EPB42: variants seen among roughly 807,000 people sequenced by gnomAD.
EPB42 encodes the protein erythrocyte membrane protein band 4.2, also known as protein 4.2.
In EPB42, 49 loss-of-function variants were observed where a neutral mutation model predicts 76.9. The ratio of observed to expected loss-of-function variants is 0.64; its 90% CI spans 0.51 to 0.81. The LOEUF is 0.81. EPB42 is among the 30% of genes least tolerant of loss of function. The pLI, the probability that EPB42 is intolerant of heterozygous loss-of-function variation, is 0.00. For synonymous variants in EPB42, 310 were observed against 338.4 expected (o/e 0.92, Z 0.92); for missense variants, 731 against 867.6 (o/e 0.84, Z 1.98).
chr15:43,197,265 C>T lies in EPB42; in HGVS notation c.*37G>A. 1 of 1,613,784 alleles carries T rather than the reference C, an allele frequency of 6.2e-7. No homozygotes were observed. Among genetic ancestry groups the T allele is most frequent in the Non-Finnish European group, 8.5e-7 (1 of 1,179,790 alleles). On this transcript the variant is annotated 3_prime_UTR_variant, in exon 13 of 13. Coordinates refer to ENST00000441366, the MANE Select transcript of EPB42 (RefSeq NM_001114134.2). ...CACATGTTTGGTTTAGATTGTAGAA[C>T]AAGGGTTGGCAGGAGAGTGGTGATA...
intron 1 of EPB42, among the ~76,000 whole-genome samples, chr15:43,218,293 C>T (rs1435242377): frequency 6.6e-6 from 1 of 152,136 alleles, no homozygotes; most frequent in East Asian, 1.9e-4. Context: ...GTATCCGAAC[C>T]CACGTAATGA....
chr15:43,206,664 C>A lies in EPB42; in HGVS notation c.1319-35G>T. On this transcript the variant is annotated intron_variant, in intron 9 of 12. Transcript: ENST00000441366. The surrounding 1 kb of genome is among the most constrained non-coding windows in gnomAD (Gnocchi z 4.7). ...GGAAGAAACAAAGCTGACCTTTTACCCGGGTGGTATAAATGCTTCTAATAA... is the reference window on the plus strand; with the variant it reads ...GGAAGAAACAAAGCTGACCTTTTACACGGGTGGTATAAATGCTTCTAATAA... 1 of 1,612,786 alleles carries A rather than the reference C, an allele frequency of 6.2e-7. No homozygotes were observed.
chr15:43,203,962 C>T (rs1204250210), intron 10 of EPB42, among the ~76,000 whole-genome samples: 1 of 152,206 alleles, frequency 6.6e-6, no homozygotes, highest in Non-Finnish European at 1.5e-5. Context: ...TTCTAGTTGT[C>T]TCATATCCCC....
chr15:43,209,321 G>C lies in EPB42; in HGVS notation c.785C>G (p.Pro262Arg). The change falls in exon 6 of 13, where the codon CCT becomes CGT. Residue 262 changes from proline (P) to arginine (R), a missense_variant. Transcript: ENST00000441366. ...CACCCAGGCCTGGCCATCATACACA[G>C]GTCGGCCTCGGCCGGTGAGCCACTG... Reference protein sequence around the residue: ...LRQWLTGRGRPVYDGQAWVLA... With the variant: ...LRQWLTGRGRRVYDGQAWVLA... 6.2e-7 allele frequency: 1 copy of C among 1,614,150 alleles called. No homozygotes were observed. Among genetic ancestry groups the C allele is most frequent in the South Asian group, 1.1e-5 (1 of 91,086 alleles).
rs192266633 is a variant in EPB42, at chr15:43,215,340, C to T, written c.197-12G>A. 59 of 1,613,178 alleles carry T rather than the reference C, an allele frequency of 3.7e-5. No homozygotes were observed. Among genetic ancestry groups the T allele is most frequent in the Middle Eastern group, 1.6e-4 (1 of 6,062 alleles). ...GGAAGGCTGCTCTCCTGTAGTCACA[C>T]GGTGATTAGTCTGTCACTGGGACTT... On this transcript the variant is annotated splice_polypyrimidine_tract_variant and intron_variant, in intron 2 of 12. Transcript: ENST00000441366.
At chr15:43,225,685 T>C (rs1435643246), upstream of EPB42, among the ~76,000 whole-genome samples, 2 of 152,224 alleles carry the variant, frequency 1.3e-5, no homozygotes, top group Non-Finnish European at 2.9e-5. Flanking sequence ...CCATTAGCTA[T>C]TTCTCTGTCA....
At chr15:43,211,096 C>T (rs1468319904) in intron 4 of EPB42, among the ~76,000 whole-genome samples, 1 of 151,990 alleles carries the variant, frequency 6.6e-6, no homozygotes. Flanking sequence ...GAACATGGGG[C>T]GGTTCATGGG....
intron 4 of EPB42, among the ~76,000 whole-genome samples, chr15:43,211,092 G>A (rs2042288762): frequency 6.6e-6 from 1 of 152,192 alleles, no homozygotes; most frequent in African/African-American, 2.4e-5. Context: ...GTTGGAACAT[G>A]GGGCGGTTCA....
At chr15:43,222,329 T>C (rs895937453), upstream of EPB42, among the ~76,000 whole-genome samples, 2 of 152,172 alleles carry the variant, frequency 1.3e-5, no homozygotes, top group Non-Finnish European at 1.5e-5. Flanking sequence ...TCAGAAACTG[T>C]AATTAAAGAC....
At chr15:43,210,662 C>G (rs1369590403) in intron 4 of EPB42, among the ~76,000 whole-genome samples, 4 of 152,178 alleles carry the variant, frequency 2.6e-5, no homozygotes, top group African/African-American at 9.7e-5. Context: ...GCATCCAGTC[C>G]TTTGCCTATC....
chr15:43,214,782 G>A (rs181093181), intron 3 of EPB42, among the ~76,000 whole-genome samples: 30 of 152,248 alleles, frequency 2.0e-4, no homozygotes, highest in African/African-American at 7.0e-4. Flanking sequence ...AGCTTTCCCA[G>A]GGTCATCTCA....
chr15:43,203,042 G>A, intron 11 of EPB42, 73 bp downstream of exon 11: 1 of 1,561,498 alleles, frequency 6.4e-7, no homozygotes, highest in Non-Finnish European at 8.8e-7. Flanking sequence ...CTCTGAAGGG[G>A]CCTGGATTCC....
chr15:43,201,338 T>C (rs938526784), intron 12 of EPB42, among the ~76,000 whole-genome samples: 3 of 152,148 alleles, frequency 2.0e-5, no homozygotes, highest in African/African-American at 4.8e-5. Flanking sequence ...TAAATATAAA[T>C]TTATATAAGT....
intron 5 of EPB42, among the ~76,000 whole-genome samples, 184 bp downstream of exon 5, chr15:43,210,151 C>T (rs1458506922): frequency 6.6e-6 from 1 of 152,196 alleles, no homozygotes; most frequent in African/African-American, 2.4e-5. Context: ...TTTCTCCCCG[C>T]TGTGGATGCT....
chr15:43,210,229 G>T (rs535068940), intron 5 of EPB42, 106 bp downstream of exon 5: 4 of 964,542 alleles, frequency 4.1e-6, no homozygotes, highest in Non-Finnish European at 6.7e-6. Context: ...GGAGGAGGGG[G>T]CCATTTGTGA....
intron 12 of EPB42, 93 bp downstream of exon 12, chr15:43,201,751 A>G (rs1424495741): frequency 6.3e-7 from 1 of 1,581,600 alleles, no homozygotes; most frequent in Non-Finnish European, 8.7e-7. Context: ...TGCTGTCTGC[A>G]TGGACATGGC....
chr15:43,202,262 A>G (rs2042137871), intron 11 of EPB42, among the ~76,000 whole-genome samples: 1 of 152,112 alleles, frequency 6.6e-6, no homozygotes, highest in Non-Finnish European at 1.5e-5. Context: ...AACGTTCTTC[A>G]TGGTGTGTCC....
At position 43,220,840 on chromosome 15, in the gene EPB42, C is replaced by A. The variant is rs771880620; in HGVS notation, c.-15G>T. On this transcript the variant is annotated 5_prime_UTR_variant, in exon 1 of 13. Coordinates refer to ENST00000441366, the MANE Select transcript of EPB42 (RefSeq NM_001114134.2). ...CCCTGTCCCATGGTTGCAGGCCGCT[C>A]CTCTTATCCACTTGGCCGCAGAAAG... The A allele has an allele frequency of 1.6e-5, 26 of 1,609,280 alleles. No individual in the cohort carries two copies. The Admixed American group carries it at 4.2e-4, about 26-fold the overall frequency.
Position 43,201,961 on chromosome 15 carries a change from T to C in EPB42, c.1796A>G (p.Glu599Gly), listed in dbSNP as rs368010390. Residue 599 changes from glutamate to glycine, a missense_variant, in exon 12 of 13, where the codon GAG becomes GGG. Glu to Gly is a moderately conservative substitution (Grantham distance 98). Transcript: ENST00000441366. ...TGAGGCTGTGAGGGGTTGATACTGC[T>C]CTGCTTTCTCTGGCATCTGTGGGAA... is the stretch of plus-strand genomic sequence containing the variant. ...HLAIKMPEKA[E>G]QYQPLTASVS... is the part of the protein sequence containing the mutation. 21 of 1,614,142 alleles carry C rather than the reference T, an allele frequency of 1.3e-5. No homozygotes were observed. The highest frequency in any genetic ancestry group is 3.3e-5 in the Admixed American group (2 of 60,030).
Sources: gnomAD v4.1 joint callset for allele counts (sites outside exome capture counted in the v4.1 genomes callset) on GRCh38, gnomAD v4.1.1 for gene constraint, Gnocchi (gnomAD v3.1) non-coding constraint, MANE v1.5 for transcripts, NCBI Gene and HGNC (gene_info 2026-07-23, HGNC 2026-07-21) for gene names.